Variants in TP53BP1 observed in about 807,000 individuals in gnomAD.
TP53BP1 encodes the protein TP53-binding protein 1.
Under a neutral mutation model 200.8 loss-of-function variants are expected in TP53BP1, and 61 were observed. That is an observed-to-expected ratio of 0.30 (90% confidence interval 0.25 to 0.38). TP53BP1 has a LOEUF of 0.38. TP53BP1 is among the 10% of genes least tolerant of loss of function. The pLI, the probability that TP53BP1 is intolerant of heterozygous loss-of-function variation, is 1.00. For synonymous variants in TP53BP1, 822 were observed against 844.3 expected, an observed-to-expected ratio of 0.97 and a Z score of 0.46; for missense variants, 2,144 against 2,371.9, an observed-to-expected ratio of 0.90 and a Z score of 2.00.
chr15:43,415,206 T>C, intron 23 of TP53BP1: 3 of 233,174 alleles, frequency 1.3e-5, no homozygotes, highest in South Asian at 1.1e-4. Flanking sequence ...GGCCTTCTTT[T>C]TTTTTTTTTT....
intron 4 of TP53BP1, among the ~76,000 whole-genome samples, chr15:43,486,815 G>A (rs749251233): frequency 2.4e-4 from 36 of 151,964 alleles, no homozygotes; most frequent in Non-Finnish European, 5.0e-4. Context: ...TGGTAAAGAC[G>A]GGATTTCACC....
At position 43,408,096 on chromosome 15, in the gene TP53BP1, G is replaced by T; in HGVS notation, c.5601-8C>A. The T allele has an allele frequency of 6.2e-7, 1 of 1,613,444 alleles. No individual in the cohort carries two copies. ...GGATTTTCACGGGGTTGCCTATGAAGGAGACAGGAAAGGACCTTAGCATGA... is the reference window on the plus strand; with the variant it reads ...GGATTTTCACGGGGTTGCCTATGAATGAGACAGGAAAGGACCTTAGCATGA... On this transcript the variant is annotated splice_region_variant and splice_polypyrimidine_tract_variant and intron_variant, in intron 26 of 27. Transcript: ENST00000382044.
intron 25 of TP53BP1, 162 bp downstream of exon 25, chr15:43,409,485 C>A: frequency 1.9e-6 from 1 of 521,524 alleles, no homozygotes; most frequent in Non-Finnish European, 3.4e-6. Context: ...CTATACACAA[C>A]AAAAATTCTA....
upstream of TP53BP1, among the ~76,000 whole-genome samples, chr15:43,496,540 T>A (rs2079183229): frequency 6.6e-6 from 1 of 152,160 alleles, no homozygotes; most frequent in Non-Finnish European, 1.5e-5. Context: ...AAACTCATAG[T>A]TTTGGAGCTC....
upstream of TP53BP1, among the ~76,000 whole-genome samples, chr15:43,493,333 T>C (rs2140161902): frequency 6.6e-6 from 1 of 152,274 alleles, no homozygotes; most frequent in Non-Finnish European, 1.5e-5. Context: ...TCCCCTTTAG[T>C]AGAGCCGGAG....
intron 15 of TP53BP1, among the ~76,000 whole-genome samples, chr15:43,439,265 C>T (rs148125194): frequency 2.0e-5 from 3 of 152,262 alleles, no homozygotes; most frequent in Non-Finnish European, 4.4e-5. Flanking sequence ...ACGCTGGGCA[C>T]GGTGGCTTAT....
chr15:43,485,576 C>CAA (rs59927509), intron 4 of TP53BP1, among the ~76,000 whole-genome samples: 1 of 44,926 alleles, frequency 2.2e-5, no homozygotes. Context: ...GACGCCGTCT[C>CAA]AAAAAAAAAA....
chr15:43,404,015 A>G lies in TP53BP1; in HGVS notation c.*3368T>C. The G allele has an allele frequency of 1.8e-6, 1 of 561,540 alleles. No homozygotes were observed. Among genetic ancestry groups the G allele is most frequent in the Non-Finnish European group, 3.2e-6 (1 of 315,446 alleles). The allele number at this position is 561,540 out of a possible 1,614,324, so 34.8% of individuals were successfully genotyped here. A position where few individuals can be genotyped will look rare whatever the true frequency, so the allele number is the denominator to read the frequency against. On this transcript the variant is annotated 3_prime_UTR_variant, in exon 28 of 28. Coordinates refer to ENST00000382044, the MANE Select transcript of TP53BP1 (RefSeq NM_001141980.3). ...GCTCAAAAATAGTTCAGTCCTGAAT[A>G]GTTTATTCAGCCCATCAAATAAGCA...
chr15:43,422,147 C>G (rs1352363730), intron 18 of TP53BP1, 21 bp from the exon 19 acceptor site: 1 of 1,608,414 alleles, frequency 6.2e-7, no homozygotes, highest in South Asian at 1.1e-5. Flanking sequence ...AAAATAGATA[C>G]AGAAGATAAA....
chr15:43,457,362 T>A, intron 11 of TP53BP1, 144 bp from the exon 12 acceptor site: 1 of 845,102 alleles, frequency 1.2e-6, no homozygotes, highest in Non-Finnish European at 1.7e-6. Context: ...AAATCAAATT[T>A]AAGAATTAAA....
Position 43,416,213 on chromosome 15 carries a change from C to G in TP53BP1, c.4873+12G>C. The stretch of plus-strand genomic sequence containing the variant: ...AGCCCAAAAGCAGCTGTTCAGGAAG[C>G]AAAAGTCTTACCTAAGCTGATATCT... On this transcript the variant is annotated intron_variant, in intron 22 of 27. Transcript: ENST00000382044. 1 of 1,607,892 alleles carries G rather than the reference C, an allele frequency of 6.2e-7. No homozygotes were observed. The highest frequency in any genetic ancestry group is 1.1e-5 in the South Asian group (1 of 90,400).
rs557270823 is a variant in TP53BP1 at position 43,424,539 on chromosome 15, G to C, written c.3829-2413C>G. On this transcript the variant is annotated intron_variant, in intron 18 of 27. Transcript: ENST00000382044. ...ATTAAATAATTCACTAAAGTGCTTA[G>C]AATAATGCCTGGCACATAGTATGTG... 7.2e-5 allele frequency among the ~76,000 whole-genome samples: 11 copies of C among 152,310 alleles called. No individual in the cohort carries two copies. The South Asian group carries it at 2.1e-3, about 29-fold the overall frequency.
At chr15:43,417,807 T>TA (rs2045302099) in intron 21 of TP53BP1, among the ~76,000 whole-genome samples, 3 of 152,166 alleles carry the variant, frequency 2.0e-5, no homozygotes, top group African/African-American at 7.2e-5. Flanking sequence ...AGTGGCCCAT[T>TA]TAATAATGAA....
chr15:43,497,275 G>A (rs1432144822), upstream of TP53BP1: 1 of 231,554 alleles, frequency 4.3e-6, no homozygotes, highest in Admixed American at 6.5e-5. Context: ...AGCTACTCAG[G>A]AGGCTGAGGT....
intron 1 of TP53BP1, 81 bp downstream of exon 1, chr15:43,492,956 C>T (rs201623997): frequency 1.3e-6 from 2 of 1,586,000 alleles, no homozygotes; most frequent in Admixed American, 3.5e-5. Flanking sequence ...GCCACCCCGC[C>T]CCCTCCGGTC....
At chr15:43,463,247 C>T (rs531428446) in intron 11 of TP53BP1, among the ~76,000 whole-genome samples, 2 of 152,258 alleles carry the variant, frequency 1.3e-5, no homozygotes, top group African/African-American at 4.8e-5. Context: ...CTCTCCCCAT[C>T]CCTCATATCT....
intron 14 of TP53BP1, among the ~76,000 whole-genome samples, chr15:43,443,903 A>C (rs960391018): frequency 2.6e-5 from 4 of 152,208 alleles, no homozygotes; most frequent in African/African-American, 9.7e-5. Context: ...TCATGACCCA[A>C]CATAATCTAA....
intron 10 of TP53BP1, among the ~76,000 whole-genome samples, chr15:43,473,499 T>C (rs2046777653): frequency 6.6e-6 from 1 of 152,132 alleles, no homozygotes; most frequent in Non-Finnish European, 1.5e-5. Context: ...CATTGGTACA[T>C]TCACAAACCC....
rs1439556793 is a variant in TP53BP1 at position 43,450,181 on chromosome 15, C to A, written c.2717-2696G>T. 2.6e-5 allele frequency among the ~76,000 whole-genome samples: 4 copies of A among 152,138 alleles called. No homozygotes were observed. The East Asian group carries it at 5.8e-4, about 22-fold the overall frequency. ...AGGAAACTCAATACTAATTTTGAAA[C>A]CACCTGAGTGGGAGTATGTGTCCTT... On this transcript the variant is annotated intron_variant, in intron 12 of 27. Transcript: ENST00000382044.
Sources: gnomAD v4.1 joint callset for allele counts (sites outside exome capture counted in the v4.1 genomes callset) on GRCh38, gnomAD v4.1.1 for gene constraint, MANE v1.5 for transcripts, NCBI Gene and HGNC (gene_info 2026-07-23, HGNC 2026-07-21) for gene names.